ANKS1A: variants seen among roughly 807,000 people sequenced by gnomAD.
ANKS1A encodes the protein ankyrin repeat and SAM domain-containing protein 1A.
A neutral mutation model predicts 120.3 loss-of-function variants in ANKS1A; 55 were observed. The ratio of observed to expected loss-of-function variants is 0.46; its 90% CI spans 0.37 to 0.57. ANKS1A has a LOEUF of 0.57. Among genes scored for constraint, ANKS1A ranks in the 20% least tolerant of loss-of-function variants. ANKS1A has a pLI of 0.00. For synonymous variants in ANKS1A, 590 were observed against 604.7 expected (o/e 0.98, Z 0.36); for missense variants, 1,123 against 1,480.3 (o/e 0.76, Z 3.96).
rs749868890 is a variant in ANKS1A, at chr6:35,081,065, T to TCTG, written c.2624_2626dup (p.Leu875dup). 1.2e-6 allele frequency: 2 copies of TCTG among 1,613,920 alleles called. No homozygotes were observed. The highest frequency in any genetic ancestry group is 2.7e-5 in the African/African-American group (2 of 74,922). On this transcript the variant is annotated inframe_insertion, in exon 17 of 24. Coordinates refer to ENST00000360359, the MANE Select transcript of ANKS1A (RefSeq NM_015245.3). ...ATTCCTGCACTGGGCGGTCGGCAGA[T>TCTG]CTGCTGCTGCCTCCAGGGGACACAG...
At position 35,085,670 on chromosome 6, in the gene ANKS1A, C is replaced by T. The variant is rs1317339586; in HGVS notation, c.3133-96C>T. 1 of 1,343,862 alleles carries T rather than the reference C, an allele frequency of 7.4e-7. No homozygotes were observed. Among genetic ancestry groups the T allele is most frequent in the Non-Finnish European group, 1.0e-6 (1 of 998,942 alleles). The allele number at this position is 1,343,862 out of a possible 1,614,324, so 83.2% of individuals were successfully genotyped here. On this transcript the variant is annotated intron_variant, in intron 21 of 23. Transcript: ENST00000360359. The surrounding 1 kb of genome is among the most constrained non-coding windows in gnomAD (Gnocchi z 4.7). The stretch of plus-strand genomic sequence containing the variant: ...GGAGGTAGGAGCGCTCCCGGGTAGA[C>T]TTAGAGGGGGACACATGGTCCCTGC...
At chr6:35,070,266 C>T (rs1370784582) in intron 13 of ANKS1A, among the ~76,000 whole-genome samples, 2 of 152,086 alleles carry the variant, frequency 1.3e-5, no homozygotes, top group Non-Finnish European at 2.9e-5. Context: ...CTTCCACCAA[C>T]TCTTTCCCAG....
intron 1 of ANKS1A, among the ~76,000 whole-genome samples, chr6:34,910,929 C>T (rs1218132615): frequency 6.6e-6 from 1 of 150,866 alleles, no homozygotes. Context: ...GATATTACAA[C>T]ATAAAATGGG....
At chr6:34,929,480 C>T (rs545800126) in intron 1 of ANKS1A, among the ~76,000 whole-genome samples, 2 of 152,102 alleles carry the variant, frequency 1.3e-5, no homozygotes, top group East Asian at 1.9e-4. Flanking sequence ...TCACCTGTGC[C>T]GTTCACGTGT....
At chr6:34,968,793 C>A (rs1017825727) in intron 2 of ANKS1A, among the ~76,000 whole-genome samples, 1 of 151,678 alleles carries the variant, frequency 6.6e-6, no homozygotes, top group Non-Finnish European at 1.5e-5. Flanking sequence ...TTTTGCTGAG[C>A]AAGGAGCTCC....
At chr6:35,011,725 T>C (rs1773767330) in intron 10 of ANKS1A, among the ~76,000 whole-genome samples, 1 of 152,216 alleles carries the variant, frequency 6.6e-6, no homozygotes, top group African/African-American at 2.4e-5. Flanking sequence ...ATCAGTCTCC[T>C]TTGCAGAGTC....
intron 1 of ANKS1A, among the ~76,000 whole-genome samples, chr6:34,912,879 C>A (rs1338041652): frequency 6.6e-6 from 1 of 152,154 alleles, no homozygotes; most frequent in East Asian, 1.9e-4. Flanking sequence ...AGATGCAGAA[C>A]ATTTCTTGTG....
intron 1 of ANKS1A, among the ~76,000 whole-genome samples, chr6:34,943,666 G>A (rs1179801231): frequency 6.6e-6 from 1 of 152,148 alleles, no homozygotes. Flanking sequence ...GAAATATCTA[G>A]TTGGAATCAT....
intron 1 of ANKS1A, among the ~76,000 whole-genome samples, chr6:34,909,126 A>G (rs1767783577): frequency 6.6e-6 from 1 of 152,180 alleles, no homozygotes; most frequent in African/African-American, 2.4e-5. Context: ...CTTGATCACC[A>G]TAAATTTTTG....
chr6:34,999,165 G>A (rs1773016729), intron 10 of ANKS1A, among the ~76,000 whole-genome samples: 2 of 152,222 alleles, frequency 1.3e-5, no homozygotes, highest in South Asian at 4.1e-4. Context: ...ATCATCCACG[G>A]TGTGCCTTTA....
chr6:35,012,148 C>T (rs1434409476), intron 10 of ANKS1A, among the ~76,000 whole-genome samples: 1 of 152,136 alleles, frequency 6.6e-6, no homozygotes, highest in African/African-American at 2.4e-5. Context: ...AGCCTAAATC[C>T]CAAAGCCCTG....
In ANKS1A at chr6:34,889,713, G is replaced by A; in HGVS notation, c.197+114G>A. The A allele has an allele frequency of 8.6e-7, 1 of 1,165,894 alleles. No homozygotes were observed. 72.2% of individuals were successfully genotyped at this position (1,165,894 alleles called of 1,614,324 possible). On this transcript the variant is annotated intron_variant, in intron 1 of 23. Transcript: ENST00000360359. The surrounding 1 kb of genome is among the most constrained non-coding windows in gnomAD (Gnocchi z 5.5). ...GACTCGGGCGGGGTGGGCTTGTGGC[G>A]TGCCCGGGGCGAGGCAGGCGGCCCG...
At chr6:34,945,799 C>T (rs961741125) in intron 1 of ANKS1A, among the ~76,000 whole-genome samples, 2 of 152,080 alleles carry the variant, frequency 1.3e-5, no homozygotes, top group African/African-American at 4.8e-5. Context: ...GTGGGATTGG[C>T]TTTCAATGAT....
intron 10 of ANKS1A, among the ~76,000 whole-genome samples, chr6:34,998,183 C>T (rs1561901946): frequency 1.3e-5 from 2 of 152,218 alleles, no homozygotes; most frequent in South Asian, 2.1e-4. Context: ...AAGTGAGGTA[C>T]ATCAGCAGAC....
intron 18 of ANKS1A, 46 bp from the exon 19 acceptor site, chr6:35,083,109 T>C (rs748060033): frequency 1.2e-6 from 2 of 1,609,198 alleles, no homozygotes; most frequent in East Asian, 2.2e-5. Flanking sequence ...CACCCCTGCA[T>C]GGAAACGCAG....
At chr6:35,023,297 C>G (rs562935624) in intron 11 of ANKS1A, among the ~76,000 whole-genome samples, 2 of 152,262 alleles carry the variant, frequency 1.3e-5, no homozygotes, top group South Asian at 4.1e-4. Flanking sequence ...GCCGTCTTTT[C>G]CTGCAGGGAC....
rs552596313 is a variant in ANKS1A at position 35,017,370 on chromosome 6, C to G, written c.1424-103C>G. 10 of 1,230,790 alleles carry G rather than the reference C, an allele frequency of 8.1e-6. No individual in the cohort carries two copies. The Admixed American group carries it at 2.5e-4, about 31-fold the overall frequency. The allele number at this position is 1,230,790 out of a possible 1,614,324, so 76.2% of individuals were successfully genotyped here. On this transcript the variant is annotated intron_variant, in intron 10 of 23. Coordinates refer to ENST00000360359, the MANE Select transcript of ANKS1A (RefSeq NM_015245.3). ...GCCTATCCAGTTTCTCTCTCTGTTT[C>G]TCTGTGAATTCCTCTGCTTTGCCAT...
intron 1 of ANKS1A, among the ~76,000 whole-genome samples, chr6:34,964,693 T>C (rs1016698426): frequency 7.2e-5 from 11 of 152,240 alleles, no homozygotes; most frequent in African/African-American, 2.7e-4. Context: ...GAAGCAGTCC[T>C]GTACCAGCAT....
chr6:34,986,880 A>G (rs1197950709), intron 8 of ANKS1A, among the ~76,000 whole-genome samples: 2 of 152,242 alleles, frequency 1.3e-5, no homozygotes, highest in Non-Finnish European at 2.9e-5. Context: ...CAACGGAATT[A>G]AGCAAATCCA....
Sources: gnomAD v4.1 joint callset for allele counts (sites outside exome capture counted in the v4.1 genomes callset) on GRCh38, gnomAD v4.1.1 for gene constraint, Gnocchi (gnomAD v3.1) non-coding constraint, MANE v1.5 for transcripts, NCBI Gene and HGNC (gene_info 2026-07-23, HGNC 2026-07-21) for gene names.